The following RBFOX1 variants were observed in gnomAD, a reference collection of about 807,000 sequenced individuals.
RBFOX1 encodes the protein RNA binding fox-1 homolog 1, also known as RNA binding protein fox-1 homolog 1.
In RBFOX1, 8 loss-of-function variants were observed where a neutral mutation model predicts 57.7. The ratio of observed to expected loss-of-function variants is 0.14; its 90% CI spans 0.08 to 0.25. The LOEUF is 0.25. Among genes scored for constraint, RBFOX1 ranks in the 10% least tolerant of loss-of-function variants. RBFOX1 has a pLI of 1.00. For synonymous variants in RBFOX1, 326 were observed against 222.4 expected (o/e 1.47, Z -4.15); for missense variants, 611 against 548.5 (o/e 1.11, Z -1.14).
rs567962079 is a variant in RBFOX1, at chr16:6,577,144, T to C, written c.-63-77459T>C. 2.0e-5 allele frequency: 3 copies of C among 152,300 alleles called. No homozygotes were observed. In the South Asian group the frequency reaches 6.2e-4, roughly 32 times the overall value. 9.4% of individuals were successfully genotyped at this position (152,300 alleles called of 1,614,324 possible). On this transcript the variant is annotated intron_variant, in intron 2 of 15. Coordinates refer to ENST00000550418, the MANE Select transcript of RBFOX1 (RefSeq NM_018723.4). ...ATGCTACATGTTAAAAACGGAGTTG[T>C]CATCTTCTACCTGGGTCGCTGAATG... is the stretch of plus-strand genomic sequence containing the variant.
chr16:6,448,341 T>C (rs1028085205), intron 2 of RBFOX1, among the ~76,000 whole-genome samples: 17 of 151,596 alleles, frequency 1.1e-4, no homozygotes, highest in African/African-American at 3.9e-4. Context: ...TTTATTTTAA[T>C]AGAGGCGGGG....
At chr16:7,534,819 G>T (rs985901266) in intron 5 of RBFOX1, among the ~76,000 whole-genome samples, 41 of 152,158 alleles carry the variant, frequency 2.7e-4, no homozygotes, top group African/African-American at 8.7e-4. Flanking sequence ...AGTTCACCCT[G>T]GGCTGCTCAA....
At chr16:5,463,426 C>G (rs1001020261) in intron 1 of RBFOX1, among the ~76,000 whole-genome samples, 1 of 151,898 alleles carries the variant, frequency 6.6e-6, no homozygotes, top group Non-Finnish European at 1.5e-5. Context: ...TTTTGAGTTT[C>G]TAAATGAAAA....
intron 3 of RBFOX1, among the ~76,000 whole-genome samples, chr16:6,988,000 T>C (rs2090666729): frequency 6.6e-6 from 1 of 152,170 alleles, no homozygotes; most frequent in South Asian, 2.1e-4. Flanking sequence ...ATAGTCGTCA[T>C]CATGGTTATG....
chr16:7,430,646 T>C (rs930542862), intron 4 of RBFOX1, among the ~76,000 whole-genome samples: 5 of 126,284 alleles, frequency 4.0e-5, no homozygotes, highest in Admixed American at 1.8e-4. Context: ...GGTGACAGAG[T>C]GAGACTCCAT....
chr16:7,214,561 C>A (rs1203064418), intron 4 of RBFOX1, among the ~76,000 whole-genome samples: 2 of 151,952 alleles, frequency 1.3e-5, no homozygotes, highest in African/African-American at 4.8e-5. Flanking sequence ...GCTTGGTCAC[C>A]CCACTAGCTG....
At chr16:5,388,097 C>T (rs2066304327) in intron 1 of RBFOX1, among the ~76,000 whole-genome samples, 1 of 152,156 alleles carries the variant, frequency 6.6e-6, no homozygotes, top group Non-Finnish European at 1.5e-5. Context: ...TTGATTATGG[C>T]TCAGGGAGAA....
intron 4 of RBFOX1, among the ~76,000 whole-genome samples, chr16:7,496,016 T>G (rs2068522564): frequency 6.6e-6 from 1 of 152,226 alleles, no homozygotes; most frequent in African/African-American, 2.4e-5. Flanking sequence ...ATAAGAACGT[T>G]CCAGAGAGAT....
chr16:6,615,997 G>T (rs997861415), intron 2 of RBFOX1, among the ~76,000 whole-genome samples: 1 of 152,154 alleles, frequency 6.6e-6, no homozygotes, highest in African/African-American at 2.4e-5. Context: ...CTCTGATTCT[G>T]AATCCATATA....
intron 4 of RBFOX1, among the ~76,000 whole-genome samples, chr16:7,389,791 G>A (rs1387700763): frequency 2.0e-5 from 3 of 152,178 alleles, no homozygotes; most frequent in Middle Eastern, 6.8e-3. Flanking sequence ...TATATAGAAT[G>A]TTCCTTCTAG....
At chr16:5,599,295 G>A in exon 3 of RBFOX1, 1 of 629,930 alleles carries the variant, frequency 1.6e-6, no homozygotes. Context: ...GACGGCCCCA[G>A]GTTGTGGGAG....
chr16:7,612,658 C>A (rs7190951), intron 10 of RBFOX1, among the ~76,000 whole-genome samples: 1 of 151,762 alleles, frequency 6.6e-6, no homozygotes, highest in Admixed American at 6.6e-5. Flanking sequence ...GAGATAATCA[C>A]GATATCCAGC....
intron 3 of RBFOX1, among the ~76,000 whole-genome samples, chr16:6,901,957 T>C (rs1165830821): frequency 6.6e-6 from 1 of 152,172 alleles, no homozygotes; most frequent in Non-Finnish European, 1.5e-5. Flanking sequence ...AAATGGCACC[T>C]TCAGAAATAT....
chr16:7,346,080 TG>T (rs1345447063), intron 4 of RBFOX1, among the ~76,000 whole-genome samples: 1 of 152,158 alleles, frequency 6.6e-6, no homozygotes, highest in Non-Finnish European at 1.5e-5. Context: ...ATGCGGTGTT[TG>T]GTTTTTTGTC....
intron 2 of RBFOX1, among the ~76,000 whole-genome samples, chr16:5,567,619 G>C (rs73526334): frequency 2.1e-5 from 2 of 96,746 alleles, no homozygotes; most frequent in Admixed American, 1.5e-4. Context: ...TAGTGGGGGG[G>C]TATTCAGGTT....
intron 3 of RBFOX1, among the ~76,000 whole-genome samples, chr16:6,836,346 A>G (rs2093094271): frequency 6.6e-6 from 1 of 152,224 alleles, no homozygotes; most frequent in African/African-American, 2.4e-5. Context: ...CTGCTTTTGA[A>G]GTTAGAAACT....
At chr16:5,621,871 G>C (rs187238903) in intron 3 of RBFOX1, among the ~76,000 whole-genome samples, 6 of 152,146 alleles carry the variant, frequency 3.9e-5, no homozygotes, top group South Asian at 4.2e-4. Context: ...TCAATGCTTA[G>C]GGGTAGTAGT....
chr16:6,076,157 G>A (rs955265604), intron 1 of RBFOX1, among the ~76,000 whole-genome samples: 4 of 152,004 alleles, frequency 2.6e-5, no homozygotes, highest in African/African-American at 9.7e-5. Context: ...AATTAGCCAG[G>A]TGTGGTGGTG....
intron 3 of RBFOX1, among the ~76,000 whole-genome samples, chr16:6,740,425 T>C (rs1370836161): frequency 6.6e-6 from 1 of 152,130 alleles, no homozygotes; most frequent in African/African-American, 2.4e-5. Flanking sequence ...ATAAAAGGCA[T>C]ACAGATTAAA....
Sources: gnomAD v4.1 joint callset for allele counts (sites outside exome capture counted in the v4.1 genomes callset) on GRCh38, gnomAD v4.1.1 for gene constraint, MANE v1.5 for transcripts, NCBI Gene and HGNC (gene_info 2026-07-23, HGNC 2026-07-21) for gene names.